Variants in CNTNAP2 observed in about 807,000 individuals in gnomAD.
CNTNAP2 encodes contactin-associated protein-like 2.
In CNTNAP2, 98 loss-of-function variants were observed where a neutral mutation model predicts 155.2. The observed-to-expected ratio is 0.63, with a 90% CI of 0.54 to 0.75. The LOEUF is 0.75. Ranked by LOEUF, CNTNAP2 falls within the 30% of genes least tolerant of loss-of-function variation. CNTNAP2 has a pLI of 0.00. For missense variants in CNTNAP2, 1,727 were observed against 1,688.1 expected (o/e 1.02, Z -0.40); for synonymous variants, 651 against 631.2 (o/e 1.03, Z -0.47).
intron 1 of CNTNAP2, among the ~76,000 whole-genome samples, chr7:146,594,971 C>A (rs557528602): frequency 6.6e-6 from 1 of 152,116 alleles, no homozygotes; most frequent in South Asian, 2.1e-4. Flanking sequence ...CTTTACCATC[C>A]ATATATGATA....
intron 13 of CNTNAP2, among the ~76,000 whole-genome samples, chr7:147,774,171 T>C (rs1525265): frequency 0.013 from 2,019 of 152,294 alleles, 102 homozygotes; most frequent in Admixed American, 0.089. Context: ...TCTGGCAGGG[T>C]ATAGATTTTA....
chr7:147,357,590 T>C (rs1796085464), intron 9 of CNTNAP2, among the ~76,000 whole-genome samples: 1 of 152,092 alleles, frequency 6.6e-6, no homozygotes, highest in Non-Finnish European at 1.5e-5. Context: ...AGTCTTCTGC[T>C]CCTTAATTAG....
intron 13 of CNTNAP2, among the ~76,000 whole-genome samples, chr7:147,873,634 C>G (rs185434878): frequency 5.9e-5 from 9 of 152,282 alleles, no homozygotes; most frequent in African/African-American, 1.9e-4. Flanking sequence ...GGTGGGGACA[C>G]AGCCAAACTA....
At chr7:146,991,995 T>C (rs1248523183) in intron 3 of CNTNAP2, among the ~76,000 whole-genome samples, 4 of 152,164 alleles carry the variant, frequency 2.6e-5, no homozygotes, top group African/African-American at 9.7e-5. Context: ...CACTATTCAT[T>C]TCAAGGTTTT....
At chr7:147,568,073 G>A (rs888845537) in intron 12 of CNTNAP2, among the ~76,000 whole-genome samples, 2 of 152,038 alleles carry the variant, frequency 1.3e-5, no homozygotes, top group African/African-American at 2.4e-5. Flanking sequence ...GCAACACAGC[G>A]AGACTCCGTC....
At chr7:146,827,771 C>G (rs1803434747) in intron 2 of CNTNAP2, among the ~76,000 whole-genome samples, 1 of 152,038 alleles carries the variant, frequency 6.6e-6, no homozygotes, top group Non-Finnish European at 1.5e-5. Context: ...AGGCTTCGAT[C>G]TTGATTTCAA....
At chr7:148,392,361 T>C (rs552416637) in intron 22 of CNTNAP2, among the ~76,000 whole-genome samples, 113 of 152,086 alleles carry the variant, frequency 7.4e-4, no homozygotes, top group Non-Finnish European at 1.5e-3. Context: ...CATGAGCCAC[T>C]GCGCCTGGCC....
chr7:146,332,314 A>C (rs985274107), intron 1 of CNTNAP2, among the ~76,000 whole-genome samples: 1 of 152,268 alleles, frequency 6.6e-6, no homozygotes, highest in South Asian at 2.1e-4. Context: ...ATATAAAAAT[A>C]ATAGTAAAAC....
chr7:147,705,021 T>C (rs1796290064), intron 13 of CNTNAP2, among the ~76,000 whole-genome samples: 1 of 152,122 alleles, frequency 6.6e-6, no homozygotes, highest in South Asian at 2.1e-4. Flanking sequence ...AACTTTTCAT[T>C]TTGTTGATCC....
Position 147,953,414 on chromosome 7 carries a change from C to G in CNTNAP2, c.2256-24448C>G, listed in dbSNP as rs967268016. Among the ~76,000 whole-genome samples the G allele has an allele frequency of 6.4e-5, 3 of 46,820 alleles. No homozygotes were observed. The South Asian group carries it at 5.2e-3, about 81-fold the overall frequency. 30.7% of individuals were successfully genotyped at this position (46,820 alleles called of 152,430 possible). A position where few individuals can be genotyped will look rare whatever the true frequency, so the allele number is the denominator to read the frequency against. On this transcript the variant is annotated intron_variant, in intron 14 of 23. Transcript: ENST00000361727. ...TGCTCTTCTTTCCTTCTAAGAAATA[C>G]GATTCTCATTCCATACCTAGATGAT... is the stretch of plus-strand genomic sequence containing the variant.
rs193101666 is a variant in CNTNAP2, at chr7:148,081,142, T to A, written c.2384-36976T>A. Among the ~76,000 whole-genome samples, 73 of 152,318 alleles carry A rather than the reference T, an allele frequency of 4.8e-4. 1 individual carries two copies. The highest frequency in any genetic ancestry group is 7.9e-4 in the Non-Finnish European group (54 of 68,036). On this transcript the variant is annotated intron_variant, in intron 15 of 23. Coordinates refer to ENST00000361727, the MANE Select transcript of CNTNAP2 (RefSeq NM_014141.6). ...ACAAAGAAACATGTGAAGAAGTTAG[T>A]ATCTTAAGCAAAATGATGCAATTCA...
chr7:148,121,913 C>G (rs1169377776), intron 16 of CNTNAP2, among the ~76,000 whole-genome samples: 1 of 151,918 alleles, frequency 6.6e-6, no homozygotes, highest in Non-Finnish European at 1.5e-5. Flanking sequence ...CTACTATGTC[C>G]CAGGTACAGT....
At chr7:147,545,463 AG>A (rs1158372558) in intron 11 of CNTNAP2, among the ~76,000 whole-genome samples, 1 of 152,254 alleles carries the variant, frequency 6.6e-6, no homozygotes, top group Non-Finnish European at 1.5e-5. Context: ...CAATCTAACA[AG>A]CCTCCCTAAA....
At chr7:146,713,711 T>A (rs1801138317) in intron 1 of CNTNAP2, among the ~76,000 whole-genome samples, 1 of 152,090 alleles carries the variant, frequency 6.6e-6, no homozygotes. Flanking sequence ...TTCCTGATCA[T>A]CCTACATGTC....
intron 8 of CNTNAP2, among the ~76,000 whole-genome samples, chr7:147,254,128 C>T (rs759794497): frequency 2.6e-5 from 4 of 152,082 alleles, no homozygotes; most frequent in African/African-American, 4.8e-5. Context: ...CTCCACAGGG[C>T]CTGTCTGTGA....
chr7:146,373,405 T>TACACACACACACAC (rs3050924), intron 1 of CNTNAP2, among the ~76,000 whole-genome samples: 2 of 143,546 alleles, frequency 1.4e-5, no homozygotes, highest in African/African-American at 5.0e-5. Context: ...ACTTAACACA[T>TACACACACACACAC]ACACACACAC....
At chr7:146,152,032 A>G (rs1798060250) in intron 1 of CNTNAP2, among the ~76,000 whole-genome samples, 1 of 151,856 alleles carries the variant, frequency 6.6e-6, no homozygotes, top group Non-Finnish European at 1.5e-5. Context: ...CAAAGGAAAT[A>G]AAATCAGTAT....
In CNTNAP2 at chr7:147,488,903, A is replaced by T. The variant is rs138682690; in HGVS notation, c.1777+2862A>T. Among the ~76,000 whole-genome samples, 225 of 152,340 alleles carry T rather than the reference A, an allele frequency of 1.5e-3. 1 individual carries two copies. The highest frequency in any genetic ancestry group is 5.0e-3 in the African/African-American group (208 of 41,578). On this transcript the variant is annotated intron_variant, in intron 11 of 23. Transcript: ENST00000361727. ...TTCAAGCCATTGTGAGATTAAATGA[A>T]ATGATGTACGGAAGATGCTGAGAAA...
intron 21 of CNTNAP2, among the ~76,000 whole-genome samples, chr7:148,360,996 A>T (rs1252085772): frequency 6.6e-6 from 1 of 151,910 alleles, no homozygotes; most frequent in African/African-American, 2.4e-5. Flanking sequence ...TTTAGTAGAG[A>T]CGGGGTTTCA....
Sources: gnomAD v4.1 joint callset for allele counts (sites outside exome capture counted in the v4.1 genomes callset) on GRCh38, gnomAD v4.1.1 for gene constraint, MANE v1.5 for transcripts, NCBI Gene and HGNC (gene_info 2026-07-23, HGNC 2026-07-21) for gene names.